NXPE2: variants seen among roughly 807,000 people sequenced by gnomAD.
NXPE2 encodes the protein neurexophilin and PC-esterase domain family member 2.
A neutral mutation model predicts 34.4 loss-of-function variants in NXPE2; 34 were observed. The observed-to-expected ratio is 0.99, with a 90% CI of 0.75 to 1.31. The LOEUF is 1.31. Ranked by LOEUF, NXPE2 falls within the 40% of genes most tolerant of loss-of-function variation. The pLI is 0.00. For synonymous variants in NXPE2, 235 were observed against 231.3 expected, an observed-to-expected ratio of 1.02 and a Z score of -0.15; for missense variants, 649 against 672.5, an observed-to-expected ratio of 0.97 and a Z score of 0.39.
the NXPE2 span, among the ~76,000 whole-genome samples, chr11:114,540,102 C>A: frequency 6.6e-6 from 1 of 152,308 alleles, no homozygotes; most frequent in Admixed American, 6.5e-5. Flanking sequence ...ATTACAGACG[C>A]CTGCCATCAT....
intron 2 of NXPE2, among the ~76,000 whole-genome samples, chr11:114,690,622 C>T (rs1049945559): frequency 1.3e-5 from 2 of 152,042 alleles, no homozygotes; most frequent in Admixed American, 6.6e-5. Context: ...CTCTGGGTTT[C>T]GTATCTGCAT....
chr11:114,657,857 G>T, the NXPE2 span, among the ~76,000 whole-genome samples: 4 of 152,234 alleles, frequency 2.6e-5, no homozygotes, highest in African/African-American at 9.6e-5. Flanking sequence ...TACAGACTGA[G>T]CAAAATCTCT....
chr11:114,725,993 A>ATATATATATATATATATAT, the NXPE2 span, among the ~76,000 whole-genome samples: 7 of 127,356 alleles, frequency 5.5e-5, no homozygotes, highest in African/African-American at 1.1e-4. Context: ...ATATATATAT[A>ATATATATATATATATATAT]AAAAGAAAAA....
At chr11:114,700,464 G>A (rs1312506045) in intron 3 of NXPE2, among the ~76,000 whole-genome samples, 4 of 152,080 alleles carry the variant, frequency 2.6e-5, no homozygotes, top group Non-Finnish European at 4.4e-5. Context: ...TGAGGCAAGA[G>A]CATGTTGGAA....
upstream of NXPE2, among the ~76,000 whole-genome samples, chr11:114,677,525 G>T (rs1026828969): frequency 6.6e-6 from 1 of 152,018 alleles, no homozygotes; most frequent in Non-Finnish European, 1.5e-5. Flanking sequence ...GGAAGAATTG[G>T]CAGGATCCAT....
chr11:114,634,662 A>G, the NXPE2 span, among the ~76,000 whole-genome samples: 1 of 152,062 alleles, frequency 6.6e-6, no homozygotes, highest in Non-Finnish European at 1.5e-5. Context: ...GAAGGGATCC[A>G]GTTTCAGCTT....
chr11:114,663,589 C>CTATT, the NXPE2 span, among the ~76,000 whole-genome samples: 723 of 86,482 alleles, frequency 8.4e-3, 8 homozygotes, highest in Non-Finnish European at 0.011. Context: ...TATCTATCAT[C>CTATT]TATCTATCTA....
chr11:114,493,340 T>C, the NXPE2 span, among the ~76,000 whole-genome samples: 1 of 152,236 alleles, frequency 6.6e-6, no homozygotes, highest in African/African-American at 2.4e-5. Flanking sequence ...AGCAAGGGCT[T>C]ACTCCTGCCA....
chr11:114,784,646 T>A, the NXPE2 span, among the ~76,000 whole-genome samples: 1 of 152,162 alleles, frequency 6.6e-6, no homozygotes, highest in East Asian at 1.9e-4. Flanking sequence ...TCTTCTTTCC[T>A]GGTGACAGAC....
chr11:114,727,052 CTCTT>C, the NXPE2 span, among the ~76,000 whole-genome samples: 1 of 152,094 alleles, frequency 6.6e-6, no homozygotes, highest in East Asian at 1.9e-4. Flanking sequence ...TACCTAAAAA[CTCTT>C]TCAGCTTCCA....
At chr11:114,700,931 T>C (rs1517694) in intron 3 of NXPE2, among the ~76,000 whole-genome samples, 5,380 of 152,044 alleles carry the variant, frequency 0.035, 329 homozygotes, top group African/African-American at 0.12. Flanking sequence ...ATTTCCAGGA[T>C]AGCACAATAT....
rs117880642 is a variant in NXPE2, at chr11:114,703,948, T to A, written c.867-43T>A. On this transcript the variant is annotated intron_variant, in intron 3 of 5. Coordinates refer to ENST00000389586, the MANE Select transcript of NXPE2 (RefSeq NM_182495.6). ...TAAACCAGTGATTCCTACTTTATTA[T>A]CTGGGCAGATATTAAGCTAATTTAT... 434 of 1,379,728 alleles carry A rather than the reference T, an allele frequency of 3.1e-4. 15 individuals carry two copies. The East Asian group carries it at 7.3e-3, about 23-fold the overall frequency. 85.5% of individuals were successfully genotyped at this position (1,379,728 alleles called of 1,614,324 possible).
the NXPE2 span, among the ~76,000 whole-genome samples, chr11:114,734,963 A>T: frequency 7.9e-5 from 12 of 152,188 alleles, no homozygotes; most frequent in Non-Finnish European, 1.3e-4. Context: ...CAAAAAAATT[A>T]GCCGGGCATG....
At chr11:114,536,589 A>G in the NXPE2 span, among the ~76,000 whole-genome samples, 2 of 152,210 alleles carry the variant, frequency 1.3e-5, no homozygotes, top group African/African-American at 2.4e-5. Context: ...ATAAAAAATG[A>G]CAAAGGGGAT....
rs770475622 is a variant in NXPE2, at chr11:114,698,193, A to C, written c.281A>C (p.Gln94Pro). 8.7e-6 allele frequency: 14 copies of C among 1,614,216 alleles called. No individual in the cohort carries two copies. The highest frequency in any genetic ancestry group is 1.0e-5 in the Non-Finnish European group (12 of 1,180,016). The part of the protein sequence containing the change: ...IKDIMEKLDQ[Q>P]IPPRPFTHVN... ...GACATTATGGAGAAACTAGACCAGC[A>C]GATCCCACCCAGACCTTTCACCCAT... is the stretch of plus-strand genomic sequence containing the variant. Residue 94 changes from glutamine (Q) to proline (P), a missense_variant, in exon 3 of 6, where the codon CAG becomes CCG. By Grantham distance (76) the Gln-to-Pro change is moderately conservative (BLOSUM62 -1). Transcript: ENST00000389586.
At chr11:114,602,802 T>C in the NXPE2 span, among the ~76,000 whole-genome samples, 2,871 of 141,228 alleles carry the variant, frequency 0.02, 51 homozygotes, top group Non-Finnish European at 0.033. Context: ...TTATCTCATA[T>C]AATTACAGAA....
the NXPE2 span, among the ~76,000 whole-genome samples, chr11:114,743,427 A>G: frequency 6.6e-6 from 1 of 152,216 alleles, no homozygotes; most frequent in East Asian, 1.9e-4. Flanking sequence ...ACACATAAGC[A>G]TGAGCAAAGC....
the NXPE2 span, among the ~76,000 whole-genome samples, chr11:114,719,233 C>T: frequency 1.3e-3 from 195 of 152,316 alleles, 2 homozygotes; most frequent in East Asian, 0.033. Context: ...TCCACTACTT[C>T]CTCCTTCCTT....
the NXPE2 span, among the ~76,000 whole-genome samples, chr11:114,582,106 C>A: frequency 6.6e-6 from 1 of 152,022 alleles, no homozygotes; most frequent in Non-Finnish European, 1.5e-5. Context: ...ATTAAATGTT[C>A]AAAAAGTTTG....
Sources: gnomAD v4.1 joint callset for allele counts (sites outside exome capture counted in the v4.1 genomes callset) on GRCh38, gnomAD v4.1.1 for gene constraint, MANE v1.5 for transcripts, NCBI Gene and HGNC (gene_info 2026-07-23, HGNC 2026-07-21) for gene names.